Variants in PLXNA4 observed in about 807,000 individuals in gnomAD.
The protein encoded by PLXNA4 is plexin A4, also known as plexin-A4.
PLXNA4 carries 44 observed loss-of-function variants against 191.8 expected under a neutral mutation model. That is an observed-to-expected ratio of 0.23 (90% CI 0.18 to 0.29). The LOEUF (loss-of-function observed/expected upper bound fraction) is 0.29, where lower values mean the gene tolerates loss of function less well. Among genes scored for constraint, PLXNA4 ranks in the 10% least tolerant of loss-of-function variants. The probability of loss-of-function intolerance (pLI) is 1.00; values close to 1 mark genes in which losing one functional copy is unlikely to be tolerated. For synonymous variants in PLXNA4, 1,082 were observed against 1,009.5 expected (o/e 1.07, Z -1.36); for missense variants, 1,800 against 2,488.8 (o/e 0.72, Z 5.89).
intron 9 of PLXNA4, among the ~76,000 whole-genome samples, chr7:132,222,860 C>T (rs1798192468): frequency 6.6e-6 from 1 of 152,206 alleles, no homozygotes; most frequent in African/African-American, 2.4e-5. Context: ...TAGAGCCAAA[C>T]AGTATCTCAG....
intron 3 of PLXNA4, among the ~76,000 whole-genome samples, chr7:132,337,307 A>C (rs927175043): frequency 1.3e-5 from 2 of 152,232 alleles, no homozygotes; most frequent in Non-Finnish European, 2.9e-5. Context: ...ATGCACATGC[A>C]TGTTCATACA....
intron 3 of PLXNA4, among the ~76,000 whole-genome samples, chr7:132,417,653 GAGA>G (rs899722528): frequency 2.0e-5 from 3 of 147,804 alleles, no homozygotes; most frequent in Non-Finnish European, 4.5e-5. Context: ...GAGGGAGAGA[GAGA>G]AGGAGAGAGA....
At chr7:132,312,024 C>T (rs1801761680) in intron 3 of PLXNA4, among the ~76,000 whole-genome samples, 1 of 151,924 alleles carries the variant, frequency 6.6e-6, no homozygotes, top group Non-Finnish European at 1.5e-5. Flanking sequence ...CAGGAAAAAC[C>T]ACAGAGACCC....
chr7:132,147,759 T>C, intron 27 of PLXNA4, 141 bp downstream of exon 27: 1 of 1,097,174 alleles, frequency 9.1e-7, no homozygotes, highest in Non-Finnish European at 1.3e-6. Context: ...TTCCCCCACC[T>C]GGCTCTCTTC....
intron 2 of PLXNA4, among the ~76,000 whole-genome samples, chr7:132,610,218 G>A (rs1214634619): frequency 1.3e-5 from 2 of 152,208 alleles, no homozygotes; most frequent in Non-Finnish European, 2.9e-5. Flanking sequence ...CAAGATGGCA[G>A]GAGCCCCAGC....
At chr7:132,164,383 C>A in intron 23 of PLXNA4, 95 bp from the exon 24 acceptor site, 1 of 1,521,210 alleles carries the variant, frequency 6.6e-7, no homozygotes, top group Non-Finnish European at 8.8e-7. Context: ...CCATCCCCTG[C>A]CAAGTCCCTG....
intron 3 of PLXNA4, among the ~76,000 whole-genome samples, chr7:132,452,765 C>G (rs1269541599): frequency 6.6e-6 from 1 of 152,174 alleles, no homozygotes; most frequent in Non-Finnish European, 1.5e-5. Context: ...TGCAAGGGCT[C>G]AGAGAAATGT....
intron 3 of PLXNA4, among the ~76,000 whole-genome samples, chr7:132,369,367 G>A (rs1804329748): frequency 6.6e-6 from 1 of 152,160 alleles, no homozygotes; most frequent in Non-Finnish European, 1.5e-5. Context: ...ATGGCTTCCT[G>A]GAAAGGAGGT....
intron 3 of PLXNA4, among the ~76,000 whole-genome samples, chr7:132,358,718 G>C (rs538265708): frequency 6.6e-6 from 1 of 152,316 alleles, no homozygotes; most frequent in South Asian, 2.1e-4. Context: ...ACTTCTACAA[G>C]TGAGTATATA....
At chr7:132,184,707 G>A (rs2116760834) in intron 16 of PLXNA4, among the ~76,000 whole-genome samples, 1 of 151,970 alleles carries the variant, frequency 6.6e-6, no homozygotes, top group African/African-American at 2.4e-5. Flanking sequence ...CTCCCTCTGA[G>A]ACAGGTGTTC....
chr7:132,386,528 G>C lies in PLXNA4; in HGVS notation c.1372-88306C>G, dbSNP rs566386098. Among the ~76,000 whole-genome samples the C allele has an allele frequency of 1.1e-4, 16 of 152,276 alleles. No homozygotes were observed. In the South Asian group the frequency reaches 2.9e-3, roughly 28 times the overall value. On this transcript the variant is annotated intron_variant, in intron 3 of 31. Transcript: ENST00000321063. ...AAGTGGGGCAGGTGGTACTACATTCGAGTAAAATCATGCTTAGTGGGGAAG... is the reference window on the plus strand; with the variant it reads ...AAGTGGGGCAGGTGGTACTACATTCCAGTAAAATCATGCTTAGTGGGGAAG...
Position 132,125,259 on chromosome 7 carries a change from A to G in PLXNA4, c.*5220T>C, listed in dbSNP as rs1398285553. Reference sequence around the variant, plus strand: ...CTATAAAATAAGGCTCTTGTTTCCTACATAGAGAATGCCTGTAGGGTGAGG... The same window carrying G: ...CTATAAAATAAGGCTCTTGTTTCCTGCATAGAGAATGCCTGTAGGGTGAGG... On this transcript the variant is annotated 3_prime_UTR_variant, in exon 32 of 32. Transcript: ENST00000321063. 1 of 152,184 alleles carries G rather than the reference A, an allele frequency of 6.6e-6. No individual in the cohort carries two copies. The highest frequency in any genetic ancestry group is 1.5e-5 in the Non-Finnish European group (1 of 68,052). 9.4% of individuals were successfully genotyped at this position (152,184 alleles called of 1,614,324 possible). A position where few individuals can be genotyped will look rare whatever the true frequency, so the allele number is the denominator to read the frequency against.
intron 1 of PLXNA4, among the ~76,000 whole-genome samples, chr7:132,546,248 C>A (rs1202403918): frequency 6.6e-6 from 1 of 152,172 alleles, no homozygotes. Flanking sequence ...TGTGGAAATG[C>A]AGGAATAGAT....
intron 3 of PLXNA4, among the ~76,000 whole-genome samples, chr7:132,457,616 T>C (rs1796358045): frequency 6.6e-6 from 1 of 152,210 alleles, no homozygotes; most frequent in Admixed American, 6.5e-5. Context: ...CATTACCTTC[T>C]AGAGCAAGAG....
intron 19 of PLXNA4, among the ~76,000 whole-genome samples, chr7:132,180,316 C>T (rs142272216): frequency 2.6e-5 from 4 of 152,310 alleles, no homozygotes; most frequent in Admixed American, 6.5e-5. Flanking sequence ...CAGCCTTCTC[C>T]TTGAAGGCTT....
intron 3 of PLXNA4, among the ~76,000 whole-genome samples, chr7:132,366,258 G>A (rs576240382): frequency 1.4e-4 from 21 of 152,224 alleles, no homozygotes; most frequent in Middle Eastern, 3.4e-3. Context: ...AGGCATGGTG[G>A]CTCCCACCTA....
Position 132,488,232 on chromosome 7 carries a change from C to T in PLXNA4, c.1371+1060G>A, listed in dbSNP as rs538269331. ...TCCCATTCCAGACACACCACCTGTC[C>T]GCAGAGATGCCAACAGAAATGATTG... On this transcript the variant is annotated intron_variant, in intron 3 of 31. Transcript: ENST00000321063. 1.6e-3 allele frequency among the ~76,000 whole-genome samples: 239 copies of T among 152,304 alleles called. 1 individual carries two copies. The highest frequency in any genetic ancestry group is 5.1e-3 in the African/African-American group (213 of 41,572).
chr7:132,521,963 G>A (rs1467846816), intron 1 of PLXNA4, among the ~76,000 whole-genome samples: 1 of 152,212 alleles, frequency 6.6e-6, no homozygotes, highest in Non-Finnish European at 1.5e-5. Flanking sequence ...GGGCCTGGCA[G>A]AGGGGAGATT....
chr7:132,240,996 C>A, intron 5 of PLXNA4, 70 bp downstream of exon 5: 1 of 1,113,908 alleles, frequency 9.0e-7, no homozygotes, highest in Admixed American at 2.0e-5. Flanking sequence ...GCAGTGATGA[C>A]AGAGAAGCAG....
Sources: allele counts gnomAD v4.1 joint callset (sites outside exome capture counted in the v4.1 genomes callset), GRCh38; gene constraint gnomAD v4.1.1; transcripts MANE v1.5; gene names NCBI Gene and HGNC (gene_info 2026-07-23, HGNC 2026-07-21).